The following HDAC9 variants were observed in gnomAD, a reference collection of about 807,000 sequenced individuals.
HDAC9 encodes MEF-2 interacting transcription repressor (MITR) protein.
HDAC9 carries 41 observed loss-of-function variants against 139.4 expected under a neutral mutation model. The ratio of observed to expected loss-of-function variants is 0.29; its 90% CI spans 0.23 to 0.38. The LOEUF is 0.38. HDAC9 is among the 10% of genes least tolerant of loss of function. The pLI is 1.00. For missense variants in HDAC9, 1,147 were observed against 1,297.0 expected, an observed-to-expected ratio of 0.88 and a Z score of 1.78; for synonymous variants, 517 against 476.2, an observed-to-expected ratio of 1.09 and a Z score of -1.12.
At chr7:18,226,020 A>T (rs1267757158) in intron 2 of HDAC9, among the ~76,000 whole-genome samples, 1 of 152,204 alleles carries the variant, frequency 6.6e-6, no homozygotes, top group Non-Finnish European at 1.5e-5. Context: ...ATAATTCATT[A>T]ACCCATTATT....
chr7:18,538,122 C>A (rs2128602865), intron 2 of HDAC9, among the ~76,000 whole-genome samples: 1 of 152,300 alleles, frequency 6.6e-6, no homozygotes, highest in Non-Finnish European at 1.5e-5. Flanking sequence ...ATTTTCTGTA[C>A]ATTTCTCTGG....
intron 1 of HDAC9, among the ~76,000 whole-genome samples, chr7:18,133,912 G>C (rs1785198909): frequency 6.9e-6 from 1 of 145,498 alleles, no homozygotes. Flanking sequence ...CTATATATCT[G>C]TGTGTGAATA....
At chr7:18,303,310 C>T (rs1340745043) in intron 1 of HDAC9, among the ~76,000 whole-genome samples, 4 of 151,822 alleles carry the variant, frequency 2.6e-5, no homozygotes, top group Admixed American at 2.0e-4. Flanking sequence ...CTCCGCCTCC[C>T]GGGTTCCTGC....
At chr7:18,634,074 A>G (rs1276284936) in intron 7 of HDAC9, among the ~76,000 whole-genome samples, 3 of 152,138 alleles carry the variant, frequency 2.0e-5, no homozygotes, top group African/African-American at 7.2e-5. Flanking sequence ...TCATCAGTGC[A>G]ATGTTGAGAT....
intron 13 of HDAC9, among the ~76,000 whole-genome samples, chr7:18,741,556 T>C (rs1787457038): frequency 6.6e-6 from 1 of 152,224 alleles, no homozygotes; most frequent in Non-Finnish European, 1.5e-5. Context: ...CCAAGAACTC[T>C]GATGGACATG....
In HDAC9 at chr7:18,258,790, C is replaced by G. The variant is rs1584887261; in HGVS notation, c.25+96441C>G. On this transcript the variant is annotated intron_variant, in intron 2 of 12. Transcript: ENST00000417496. ...TATTCAGAAAGTGAGAAAAATCATA[C>G]TATAAATCAGTAGCTTCTCTATTCA... Among the ~76,000 whole-genome samples the G allele has an allele frequency of 2.6e-5, 4 of 152,164 alleles. No individual in the cohort carries two copies. The South Asian group carries it at 8.3e-4, about 32-fold the overall frequency.
chr7:18,766,667 A>G (rs1418038926), intron 15 of HDAC9, among the ~76,000 whole-genome samples: 1 of 152,206 alleles, frequency 6.6e-6, no homozygotes, highest in African/African-American at 2.4e-5. Context: ...TTAATATTTG[A>G]AATATTTTTT....
At chr7:18,130,780 A>G (rs73315735) in intron 1 of HDAC9, among the ~76,000 whole-genome samples, 6,080 of 151,970 alleles carry the variant, frequency 0.04, 417 homozygotes, top group African/African-American at 0.14. Flanking sequence ...TCTTTTAACA[A>G]TTTTCTATTG....
chr7:18,305,286 CATGTAGAT>C (rs1400931906), intron 1 of HDAC9, among the ~76,000 whole-genome samples: 1 of 152,206 alleles, frequency 6.6e-6, no homozygotes, highest in Non-Finnish European at 1.5e-5. Flanking sequence ...CCAACCAGTG[CATGTAGAT>C]ATCCTAGGCC....
At chr7:18,719,180 C>T (rs115503310) in intron 12 of HDAC9, among the ~76,000 whole-genome samples, 1,914 of 152,150 alleles carry the variant, frequency 0.013, 49 homozygotes, top group African/African-American at 0.043. Context: ...GGATTCTTTC[C>T]ATATTCTGGA....
Position 18,457,634 on chromosome 7 carries a change from T to A in HDAC9, c.-41-38628T>A, listed in dbSNP as rs1176205256. Among the ~76,000 whole-genome samples, 5 of 152,244 alleles carry A rather than the reference T, an allele frequency of 3.3e-5. No homozygotes were observed. The East Asian group carries it at 7.7e-4, about 23-fold the overall frequency. On this transcript the variant is annotated intron_variant, in intron 1 of 3. Coordinates refer to the HDAC9 transcript ENST00000413509. ...TATAGGCCATAATAGTTTTATAAAC[T>A]GTAGGTTATAAACGTCTGCTCTAAT...
At chr7:18,710,252 C>G (rs1338510903) in intron 12 of HDAC9, among the ~76,000 whole-genome samples, 1 of 152,172 alleles carries the variant, frequency 6.6e-6, no homozygotes, top group Non-Finnish European at 1.5e-5. Context: ...ATTATGAGAG[C>G]TACAATTCAA....
At chr7:18,343,502 T>C (rs1286538453) in intron 1 of HDAC9, among the ~76,000 whole-genome samples, 1 of 151,872 alleles carries the variant, frequency 6.6e-6, no homozygotes, top group Non-Finnish European at 1.5e-5. Flanking sequence ...GTGTATGGTG[T>C]GTTCAGCTCT....
At chr7:18,684,270 G>T (rs553435696) in intron 12 of HDAC9, among the ~76,000 whole-genome samples, 1 of 151,068 alleles carries the variant, frequency 6.6e-6, no homozygotes, top group East Asian at 2.0e-4. Context: ...AAAAAAGTAA[G>T]AATATTTAAC....
intron 22 of HDAC9, among the ~76,000 whole-genome samples, chr7:18,904,624 C>CTGAA (rs1255977797): frequency 1.6e-5 from 2 of 122,696 alleles, no homozygotes; most frequent in African/African-American, 6.4e-5. Flanking sequence ...GTCTCCCAGG[C>CTGAA]TGAAGTGCAG....
intron 1 of HDAC9, among the ~76,000 whole-genome samples, chr7:18,110,504 A>G (rs1420094633): frequency 6.6e-6 from 1 of 152,154 alleles, no homozygotes; most frequent in African/African-American, 2.4e-5. Context: ...ACAAAGGACA[A>G]GGAACTCCAT....
intron 2 of HDAC9, among the ~76,000 whole-genome samples, chr7:18,523,107 A>G (rs1236710202): frequency 1.3e-5 from 2 of 152,208 alleles, no homozygotes; most frequent in South Asian, 2.1e-4. Flanking sequence ...GTTGGAGGAC[A>G]TGATCTATAA....
intron 13 of HDAC9, among the ~76,000 whole-genome samples, chr7:18,745,906 T>G (rs924100912): frequency 1.4e-5 from 2 of 139,050 alleles, no homozygotes; most frequent in Admixed American, 1.4e-4. Context: ...TTTTTTTTTT[T>G]GCCCATGCAA....
intron 2 of HDAC9, among the ~76,000 whole-genome samples, chr7:18,202,621 G>C (rs1409464141): frequency 6.6e-6 from 1 of 152,216 alleles, no homozygotes; most frequent in African/African-American, 2.4e-5. Flanking sequence ...TATGATTTAA[G>C]TTGTTAAGAT....
Sources: allele counts gnomAD v4.1 joint callset (sites outside exome capture counted in the v4.1 genomes callset), GRCh38; gene constraint gnomAD v4.1.1; transcripts MANE v1.5; gene names NCBI Gene and HGNC (gene_info 2026-07-23, HGNC 2026-07-21).